The following DYRK1A variants were observed in gnomAD, a reference collection of about 807,000 sequenced individuals.
The protein encoded by DYRK1A is dual specificity tyrosine-phosphorylation-regulated kinase 1A.
In DYRK1A, 9 loss-of-function variants were observed where a neutral mutation model predicts 79.7. The observed-to-expected ratio is 0.11, with a 90% CI of 0.07 to 0.20. DYRK1A has a LOEUF of 0.20. Among genes scored for constraint, DYRK1A ranks in the 10% least tolerant of loss-of-function variants. The pLI, the probability that DYRK1A is intolerant of heterozygous loss-of-function variation, is 1.00. For missense variants in DYRK1A, 622 were observed against 956.0 expected, an observed-to-expected ratio of 0.65 and a Z score of 4.61; for synonymous variants, 349 against 329.7, an observed-to-expected ratio of 1.06 and a Z score of -0.63.
chr21:37,391,446 T>G (rs1246800695), intron 1 of DYRK1A, among the ~76,000 whole-genome samples: 1 of 152,276 alleles, frequency 6.6e-6, no homozygotes, highest in Non-Finnish European at 1.5e-5. Context: ...TTATTATTTT[T>G]TAACTACTGA....
chr21:37,390,361 T>C (rs2049847080), intron 1 of DYRK1A, among the ~76,000 whole-genome samples: 1 of 152,178 alleles, frequency 6.6e-6, no homozygotes, highest in African/African-American at 2.4e-5. Context: ...ATGAAGTCCA[T>C]TATTTGAAAA....
intron 1 of DYRK1A, among the ~76,000 whole-genome samples, chr21:37,373,040 G>A (rs11911791): frequency 6.6e-6 from 1 of 152,094 alleles, no homozygotes; most frequent in Non-Finnish European, 1.5e-5. Flanking sequence ...CTTGATCATG[G>A]CTGTAACTCC....
intron 1 of DYRK1A, among the ~76,000 whole-genome samples, chr21:37,384,046 A>G (rs1021790174): frequency 3.9e-5 from 6 of 152,174 alleles, no homozygotes; most frequent in African/African-American, 1.4e-4. Context: ...ATGGGAACCA[A>G]GTGAGATGAG....
At chr21:37,446,487 G>C (rs1022671694) in intron 2 of DYRK1A, among the ~76,000 whole-genome samples, 3 of 152,080 alleles carry the variant, frequency 2.0e-5, no homozygotes, top group Non-Finnish European at 2.9e-5. Flanking sequence ...ATTTAATAAA[G>C]TAGTTAATGG....
Position 37,523,869 on chromosome 21 carries a change from T to C in DYRK1A, c.*11338T>C, listed in dbSNP as rs139397676. On this transcript the variant is annotated 3_prime_UTR_variant, in exon 12 of 12. Coordinates refer to ENST00000647188, the MANE Select transcript of DYRK1A (RefSeq NM_001347721.2). The stretch of plus-strand genomic sequence containing the variant: ...TGCTACTGTGGCAGAATTGAGTAGT[T>C]GCTGCAGAGACCGTATGATGAGAAT... The C allele has an allele frequency of 6.6e-6, 1 of 152,240 alleles. No individual in the cohort carries two copies. Among genetic ancestry groups the C allele is most frequent in the East Asian group, 1.9e-4 (1 of 5,192 alleles). The allele number at this position is 152,240 out of a possible 1,614,324, so 9.4% of individuals were successfully genotyped here.
chr21:37,484,548 C>T (rs9981552), intron 5 of DYRK1A, among the ~76,000 whole-genome samples: 165 of 152,020 alleles, frequency 1.1e-3, no homozygotes, highest in Non-Finnish European at 2.0e-3. Flanking sequence ...AGGCTGGTCT[C>T]GAGCTCCTGA....
At chr21:37,467,239 C>CT (rs1481463832) in intron 2 of DYRK1A, among the ~76,000 whole-genome samples, 2 of 152,088 alleles carry the variant, frequency 1.3e-5, no homozygotes, top group Non-Finnish European at 2.9e-5. Context: ...AATGGAAAAT[C>CT]TTTTTTTGTT....
chr21:37,422,768 CA>C (rs2050511042), intron 2 of DYRK1A, among the ~76,000 whole-genome samples: 1 of 152,200 alleles, frequency 6.6e-6, no homozygotes, highest in African/African-American at 2.4e-5. Context: ...TTAATATATA[CA>C]CAATTTTTAT....
intron 1 of DYRK1A, among the ~76,000 whole-genome samples, chr21:37,394,909 T>A (rs1354410967): frequency 6.6e-6 from 1 of 152,166 alleles, no homozygotes; most frequent in Non-Finnish European, 1.5e-5. Flanking sequence ...GACATAAACC[T>A]CCTCCTGGGT....
intron 11 of DYRK1A, among the ~76,000 whole-genome samples, chr21:37,508,916 C>T (rs996732517): frequency 6.6e-5 from 10 of 152,054 alleles, no homozygotes; most frequent in Non-Finnish European, 1.3e-4. Context: ...CCTGTCTTGT[C>T]TTCTTCCCTT....
upstream of DYRK1A, chr21:37,365,618 C>T (rs1324384512): frequency 6.6e-6 from 1 of 152,046 alleles, no homozygotes; most frequent in African/African-American, 2.4e-5. Context: ...CAATACATAG[C>T]TAGGGAGAAG....
At chr21:37,418,756 C>G (rs2050407144) in intron 1 of DYRK1A, 1 of 152,154 alleles carries the variant, frequency 6.6e-6, no homozygotes, top group South Asian at 2.1e-4. Context: ...GTTCATCCAT[C>G]TAGTCATACA....
chr21:37,393,714 T>G (rs1278806845), intron 1 of DYRK1A, among the ~76,000 whole-genome samples: 1 of 152,216 alleles, frequency 6.6e-6, no homozygotes, highest in Non-Finnish European at 1.5e-5. Context: ...TAAAACAATA[T>G]TCATTTCTTT....
intron 2 of DYRK1A, among the ~76,000 whole-genome samples, chr21:37,440,871 C>G (rs2051081245): frequency 6.6e-6 from 1 of 152,152 alleles, no homozygotes; most frequent in Non-Finnish European, 1.5e-5. Flanking sequence ...AATGTATATT[C>G]TGCTGTTCTT....
intron 1 of DYRK1A, among the ~76,000 whole-genome samples, chr21:37,380,924 T>A (rs1341472030): frequency 6.6e-6 from 1 of 152,196 alleles, no homozygotes; most frequent in East Asian, 1.9e-4. Flanking sequence ...TGGCTTGGGA[T>A]CATCACTTCT....
At chr21:37,372,508 A>C (rs2049453706) in intron 1 of DYRK1A, among the ~76,000 whole-genome samples, 1 of 151,882 alleles carries the variant, frequency 6.6e-6, no homozygotes, top group Non-Finnish European at 1.5e-5. Flanking sequence ...ATCCAGTTAT[A>C]GACAGCAGTT....
At chr21:37,464,629 G>A (rs1339580262) in intron 2 of DYRK1A, among the ~76,000 whole-genome samples, 1 of 152,150 alleles carries the variant, frequency 6.6e-6, no homozygotes, top group Non-Finnish European at 1.5e-5. Context: ...CATGTATTGT[G>A]ATACATTCTT....
chr21:37,394,814 C>T (rs1223727181), intron 1 of DYRK1A, among the ~76,000 whole-genome samples: 3 of 152,288 alleles, frequency 2.0e-5, no homozygotes, highest in Non-Finnish European at 2.9e-5. Flanking sequence ...CTCAGCTCCA[C>T]GTTGCACCTA....
intron 2 of DYRK1A, among the ~76,000 whole-genome samples, chr21:37,439,609 G>A (rs571527567): frequency 4.5e-4 from 68 of 152,254 alleles, no homozygotes; most frequent in African/African-American, 1.4e-3. Context: ...TCCAGGTTGC[G>A]TGCTTCTTAT....
Sources: allele counts gnomAD v4.1 joint callset (sites outside exome capture counted in the v4.1 genomes callset), GRCh38; gene constraint gnomAD v4.1.1; transcripts MANE v1.5; gene names NCBI Gene and HGNC (gene_info 2026-07-23, HGNC 2026-07-21).